LRBA: variants seen among roughly 807,000 people sequenced by gnomAD.
The protein encoded by LRBA is lipopolysaccharide-responsive and beige-like anchor protein.
Under a neutral mutation model 330.0 loss-of-function variants are expected in LRBA, and 176 were observed. The observed-to-expected ratio is 0.53, with a 90% CI of 0.47 to 0.60. The LOEUF (loss-of-function observed/expected upper bound fraction) is 0.60, where lower values mean the gene tolerates loss of function less well. Among genes scored for constraint, LRBA ranks in the 20% least tolerant of loss-of-function variants. The probability of loss-of-function intolerance (pLI) is 0.00; values close to 1 mark genes in which losing one functional copy is unlikely to be tolerated. For missense variants in LRBA, 3,259 were observed against 3,444.8 expected (o/e 0.95, Z 1.35); for synonymous variants, 1,230 against 1,193.0 (o/e 1.03, Z -0.64).
At chr4:150,735,482 A>C in intron 35 of LRBA, 116 bp from the exon 36 acceptor site, 1 of 703,302 alleles carries the variant, frequency 1.4e-6, no homozygotes, top group Admixed American at 2.1e-5. Flanking sequence ...GACATCATAC[A>C]CAATGAGGTA....
chr4:150,909,199 T>C (rs1731691495), intron 9 of LRBA, among the ~76,000 whole-genome samples: 1 of 152,192 alleles, frequency 6.6e-6, no homozygotes. Flanking sequence ...ACATTAACTG[T>C]ATTCATATTG....
intron 46 of LRBA, among the ~76,000 whole-genome samples, chr4:150,425,917 T>G (rs560059557): frequency 6.6e-6 from 1 of 151,982 alleles, no homozygotes; most frequent in Non-Finnish European, 1.5e-5. Flanking sequence ...GGTAAAAAAA[T>G]GTGAAAGCAA....
At chr4:150,639,232 G>A in intron 37 of LRBA, among the ~76,000 whole-genome samples, 1 of 129,566 alleles carries the variant, frequency 7.7e-6, no homozygotes, top group African/African-American at 2.8e-5. Context: ...AGGGGGGAGG[G>A]ATAGCATTGG....
intron 2 of LRBA, among the ~76,000 whole-genome samples, chr4:151,003,934 T>TGA (rs1491382396): frequency 6.1e-4 from 84 of 138,658 alleles, no homozygotes; most frequent in Non-Finnish European, 1.0e-3. Flanking sequence ...TGTGTGTGTG[T>TGA]GACAGTCTCA....
chr4:150,273,673 G>C (rs575933193), intron 56 of LRBA, among the ~76,000 whole-genome samples: 12 of 151,692 alleles, frequency 7.9e-5, no homozygotes, highest in Non-Finnish European at 2.9e-5. Context: ...CCTAGTCTCT[G>C]ATAAAGCAGA....
At chr4:150,605,227 A>T (rs1774508122) in intron 37 of LRBA, among the ~76,000 whole-genome samples, 1 of 152,216 alleles carries the variant, frequency 6.6e-6, no homozygotes, top group South Asian at 2.1e-4. Context: ...CCTATTATCA[A>T]ATGAGTCAAA....
intron 11 of LRBA, among the ~76,000 whole-genome samples, chr4:150,907,443 C>G (rs960278835): frequency 6.6e-6 from 1 of 151,832 alleles, no homozygotes; most frequent in African/African-American, 2.4e-5. Flanking sequence ...ATTAATATGT[C>G]AGGGTAATTT....
At chr4:150,940,874 T>C (rs182817831) in intron 2 of LRBA, among the ~76,000 whole-genome samples, 1 of 152,140 alleles carries the variant, frequency 6.6e-6, no homozygotes. Context: ...TTTTGTTTTC[T>C]TTCTTTCATG....
intron 47 of LRBA, among the ~76,000 whole-genome samples, chr4:150,375,257 T>G (rs1265836513): frequency 2.0e-5 from 3 of 152,138 alleles, no homozygotes; most frequent in African/African-American, 7.2e-5. Context: ...TCCTGTCTCC[T>G]GTTTTTCATA....
At chr4:150,528,750 T>A (rs545862778) in intron 40 of LRBA, among the ~76,000 whole-genome samples, 1 of 152,150 alleles carries the variant, frequency 6.6e-6, no homozygotes, top group South Asian at 2.1e-4. Context: ...AAAAGGAATT[T>A]TTAAAAGGGG....
rs1338509354 is a variant in LRBA at position 150,852,449 on chromosome 4, T to G, written c.3261A>C (p.Glu1087Asp). The G allele has an allele frequency of 6.2e-7, 1 of 1,613,578 alleles. No homozygotes were observed. The part of the protein sequence containing the change: ...EVTASISSPS[E>D]EDASEMPEFL... ...ATTCTGGCATCTCTGAGGCATCCTCTTCTGAAGGAGAACTTATAGAAGCAG... is the reference window on the plus strand; with the variant it reads ...ATTCTGGCATCTCTGAGGCATCCTCGTCTGAAGGAGAACTTATAGAAGCAG... Residue 1087 changes from glutamate (E) to aspartate (D), a missense_variant, in exon 23 of 57, where the codon GAA (glutamate) becomes GAC (aspartate). Physicochemically the swap from Glu to Asp is conservative, Grantham distance 45. Coordinates refer to ENST00000651943, the MANE Select transcript of LRBA (RefSeq NM_001364905.1).
At chr4:150,425,300 A>T (rs1166713243) in intron 46 of LRBA, among the ~76,000 whole-genome samples, 6 of 152,202 alleles carry the variant, frequency 3.9e-5, no homozygotes, top group Non-Finnish European at 5.9e-5. Context: ...CATCAGTGGA[A>T]AATGATAAGT....
chr4:150,549,305 G>A (rs1428404850), intron 40 of LRBA, among the ~76,000 whole-genome samples: 1 of 150,662 alleles, frequency 6.6e-6, no homozygotes, highest in Non-Finnish European at 1.5e-5. Flanking sequence ...TAGAATAATT[G>A]TTGCTTTATT....
chr4:150,511,921 T>C (rs981808225), intron 40 of LRBA, among the ~76,000 whole-genome samples: 6 of 152,200 alleles, frequency 3.9e-5, no homozygotes, highest in African/African-American at 1.4e-4. Flanking sequence ...GCAAAAGCTC[T>C]GACTTCTCAA....
chr4:150,739,833 C>A (rs1479634588), intron 35 of LRBA, among the ~76,000 whole-genome samples: 1 of 152,098 alleles, frequency 6.6e-6, no homozygotes, highest in Non-Finnish European at 1.5e-5. Context: ...TGAATCCTGC[C>A]AACAATCACA....
At chr4:150,576,980 C>T (rs1770627333) in intron 40 of LRBA, among the ~76,000 whole-genome samples, 1 of 151,780 alleles carries the variant, frequency 6.6e-6, no homozygotes, top group South Asian at 2.1e-4. Flanking sequence ...GGAAGAATAA[C>T]TTGTTTCAAC....
chr4:150,843,466 T>G lies in LRBA; in HGVS notation c.4569+634A>C, dbSNP rs369360762. On this transcript the variant is annotated intron_variant, in intron 28 of 56. Transcript: ENST00000651943. Reference sequence around the variant, plus strand: ...TTATACTTTCTATATGACTTTAAATTGTCTACATAAGAATTAGCAATGTTT... The same window carrying G: ...TTATACTTTCTATATGACTTTAAATGGTCTACATAAGAATTAGCAATGTTT... Among the ~76,000 whole-genome samples the G allele has an allele frequency of 2.0e-4, 31 of 152,312 alleles. No individual in the cohort carries two copies. In the East Asian group the frequency reaches 6.0e-3, roughly 29 times the overall value.
intron 10 of LRBA, 40 bp from the exon 11 acceptor site, chr4:150,908,507 T>A (rs1201207): frequency 1.3e-6 from 2 of 1,552,326 alleles, no homozygotes; most frequent in Non-Finnish European, 1.7e-6. Context: ...TCAATGATTT[T>A]TTTTCCAAAA....
intron 44 of LRBA, among the ~76,000 whole-genome samples, chr4:150,451,781 A>G (rs1201577442): frequency 6.6e-6 from 1 of 152,160 alleles, no homozygotes; most frequent in Non-Finnish European, 1.5e-5. Context: ...AGAGGGAGAA[A>G]AAGAAGTAAA....
Sources: allele counts gnomAD v4.1 joint callset (sites outside exome capture counted in the v4.1 genomes callset), GRCh38; gene constraint gnomAD v4.1.1; transcripts MANE v1.5; gene names NCBI Gene and HGNC (gene_info 2026-07-23, HGNC 2026-07-21).